CSMD1: variants seen among roughly 807,000 people sequenced by gnomAD.
The protein encoded by CSMD1 is CUB and Sushi multiple domains 1.
Under a neutral mutation model 417.5 loss-of-function variants are expected in CSMD1, and 213 were observed. The observed-to-expected ratio is 0.51, with a 90% CI of 0.46 to 0.57. The LOEUF (loss-of-function observed/expected upper bound fraction) is 0.57. Among genes scored for constraint, CSMD1 ranks in the 20% least tolerant of loss-of-function variants. CSMD1 has a pLI of 0.00. For synonymous variants in CSMD1, 2,862 were observed against 1,736.8 expected, an observed-to-expected ratio of 1.65 and a Z score of -16.11; for missense variants, 6,923 against 4,529.7, an observed-to-expected ratio of 1.53 and a Z score of -15.17.
At chr8:3,476,020 C>T (rs1817392702) in intron 11 of CSMD1, among the ~76,000 whole-genome samples, 1 of 152,178 alleles carries the variant, frequency 6.6e-6, no homozygotes, top group South Asian at 2.1e-4. Context: ...CTAAATGGTT[C>T]AATAGTTCTA....
At chr8:3,620,402 T>G (rs548608894) in intron 7 of CSMD1, among the ~76,000 whole-genome samples, 2 of 152,268 alleles carry the variant, frequency 1.3e-5, no homozygotes, top group South Asian at 4.1e-4. Flanking sequence ...ATACTAAGTT[T>G]GACTTAAAAC....
chr8:4,052,888 A>G (rs1798505055), intron 3 of CSMD1, among the ~76,000 whole-genome samples: 1 of 152,158 alleles, frequency 6.6e-6, no homozygotes, highest in Non-Finnish European at 1.5e-5. Flanking sequence ...AGTAGTCCAT[A>G]GACCACAATG....
At chr8:4,519,466 A>C (rs1803308401) in intron 2 of CSMD1, among the ~76,000 whole-genome samples, 1 of 152,014 alleles carries the variant, frequency 6.6e-6, no homozygotes, top group Non-Finnish European at 1.5e-5. Flanking sequence ...GAAGCTGGGC[A>C]TGGTGGCTCA....
intron 3 of CSMD1, among the ~76,000 whole-genome samples, chr8:4,321,171 C>G (rs1481804839): frequency 6.7e-6 from 1 of 148,196 alleles, no homozygotes; most frequent in Non-Finnish European, 1.5e-5. Context: ...TCACCTCGCA[C>G]AGTGATCAAA....
At chr8:3,403,651 A>G (rs1585112498) in intron 15 of CSMD1, among the ~76,000 whole-genome samples, 4 of 152,178 alleles carry the variant, frequency 2.6e-5, no homozygotes, top group African/African-American at 7.2e-5. Context: ...ACTTGTGGCC[A>G]GGACAGAACA....
At chr8:3,755,731 A>T (rs1479943473) in intron 5 of CSMD1, among the ~76,000 whole-genome samples, 1 of 152,124 alleles carries the variant, frequency 6.6e-6, no homozygotes, top group African/African-American at 2.4e-5. Context: ...TTAAAAATGT[A>T]CAGGATCCAC....
At chr8:4,798,886 G>A (rs1029679389) in intron 1 of CSMD1, among the ~76,000 whole-genome samples, 7 of 152,130 alleles carry the variant, frequency 4.6e-5, no homozygotes, top group Non-Finnish European at 8.8e-5. Flanking sequence ...AAAAGATAAA[G>A]TAAGACCTCA....
intron 3 of CSMD1, among the ~76,000 whole-genome samples, chr8:4,051,813 T>TTTTCTTCTC (rs1188243391): frequency 1.3e-5 from 2 of 151,618 alleles, no homozygotes; most frequent in Non-Finnish European, 2.9e-5. Context: ...ATACTGACAG[T>TTTTCTTCTC]TTTCTTCTCT....
intron 5 of CSMD1, among the ~76,000 whole-genome samples, chr8:3,831,596 C>G (rs1313259622): frequency 6.6e-6 from 1 of 152,154 alleles, no homozygotes; most frequent in African/African-American, 2.4e-5. Context: ...CAAATGTCCT[C>G]TCTAATATTA....
intron 4 of CSMD1, among the ~76,000 whole-genome samples, chr8:4,017,040 G>A (rs746870160): frequency 6.6e-6 from 1 of 152,226 alleles, no homozygotes; most frequent in East Asian, 1.9e-4. Flanking sequence ...CATCATAAAG[G>A]AACAAAAGCA....
intron 4 of CSMD1, among the ~76,000 whole-genome samples, chr8:4,012,725 C>T (rs1464986326): frequency 1.3e-5 from 2 of 152,140 alleles, no homozygotes; most frequent in Non-Finnish European, 2.9e-5. Flanking sequence ...AATAGCAATC[C>T]AGACTAACTA....
intron 5 of CSMD1, among the ~76,000 whole-genome samples, chr8:3,826,426 C>T (rs769755360): frequency 1.3e-5 from 2 of 152,116 alleles, no homozygotes; most frequent in Non-Finnish European, 2.9e-5. Context: ...TTAGGGAGAC[C>T]GCTCTTCTGG....
intron 2 of CSMD1, among the ~76,000 whole-genome samples, chr8:4,566,535 C>G (rs1798616597): frequency 6.6e-6 from 1 of 151,436 alleles, no homozygotes; most frequent in Non-Finnish European, 1.5e-5. Flanking sequence ...CGCCTGCAGT[C>G]CCACCTACTC....
At chr8:4,520,462 T>C (rs1180594649) in intron 2 of CSMD1, among the ~76,000 whole-genome samples, 2 of 152,122 alleles carry the variant, frequency 1.3e-5, no homozygotes, top group Non-Finnish European at 2.9e-5. Context: ...ATTTGGATCT[T>C]AATAAGACAT....
chr8:3,884,353 C>A (rs1806410614), intron 5 of CSMD1, among the ~76,000 whole-genome samples: 1 of 152,228 alleles, frequency 6.6e-6, no homozygotes, highest in African/African-American at 2.4e-5. Context: ...TCAACTGATT[C>A]CCTAGAGAAC....
chr8:4,976,649 C>T (rs754309283), intron 1 of CSMD1, among the ~76,000 whole-genome samples: 3 of 152,166 alleles, frequency 2.0e-5, no homozygotes, highest in Non-Finnish European at 2.9e-5. Flanking sequence ...CTATGACCCT[C>T]GTCCACCCTA....
chr8:3,391,386 T>C (rs1811340250), intron 17 of CSMD1, among the ~76,000 whole-genome samples: 1 of 152,224 alleles, frequency 6.6e-6, no homozygotes, highest in African/African-American at 2.4e-5. Flanking sequence ...AAAACCTTCA[T>C]ACCCTTGAGA....
intron 3 of CSMD1, among the ~76,000 whole-genome samples, chr8:4,112,030 A>C (rs929743641): frequency 3.3e-5 from 5 of 151,574 alleles, no homozygotes; most frequent in African/African-American, 1.2e-4. Flanking sequence ...GAAATGTATA[A>C]AAATCTACTT....
At chr8:3,975,351 TATA>T (rs1813361441) in intron 5 of CSMD1, among the ~76,000 whole-genome samples, 1 of 152,210 alleles carries the variant, frequency 6.6e-6, no homozygotes, top group Admixed American at 6.5e-5. Flanking sequence ...TGAACTGCAA[TATA>T]ATAATGTTAT....
Sources: gnomAD v4.1 joint callset for allele counts (sites outside exome capture counted in the v4.1 genomes callset) on GRCh38, gnomAD v4.1.1 for gene constraint, MANE v1.5 for transcripts, NCBI Gene and HGNC (gene_info 2026-07-23, HGNC 2026-07-21) for gene names.